The following KCMF1 variants were observed in gnomAD, a reference collection of about 807,000 sequenced individuals.
KCMF1 encodes the protein E3 ubiquitin-protein ligase KCMF1.
In KCMF1, 3 loss-of-function variants were observed where a neutral mutation model predicts 41.1. The observed-to-expected ratio is 0.07, with a 90% confidence interval of 0.03 to 0.19. KCMF1 has a LOEUF of 0.19. KCMF1 is among the 10% of genes least tolerant of loss of function. KCMF1 has a pLI of 1.00. For synonymous variants in KCMF1, 142 were observed against 164.5 expected (o/e 0.86, Z 1.04); for missense variants, 286 against 488.9 (o/e 0.58, Z 3.91).
intron 2 of KCMF1, among the ~76,000 whole-genome samples, chr2:85,032,724 C>A (rs1675305864): frequency 6.6e-6 from 1 of 152,094 alleles, no homozygotes; most frequent in Admixed American, 6.6e-5. Context: ...GTTGGCCAGG[C>A]TGGTCTTGAA....
At chr2:85,012,541 A>G (rs143251780) in intron 1 of KCMF1, among the ~76,000 whole-genome samples, 1 of 152,166 alleles carries the variant, frequency 6.6e-6, no homozygotes, top group Non-Finnish European at 1.5e-5. Context: ...CAGTGATACA[A>G]AGACATCCTT....
intron 2 of KCMF1, among the ~76,000 whole-genome samples, chr2:85,031,121 G>T (rs554350546): frequency 5.5e-4 from 84 of 152,274 alleles, no homozygotes; most frequent in African/African-American, 1.9e-3. Flanking sequence ...TGGGTATTCT[G>T]TGTCCGTTTC....
intron 1 of KCMF1, among the ~76,000 whole-genome samples, chr2:85,004,618 G>A (rs1163733695): frequency 6.6e-6 from 1 of 152,158 alleles, no homozygotes; most frequent in African/African-American, 2.4e-5. Context: ...CTTGCAGAGT[G>A]TGAGAACAAC....
intron 1 of KCMF1, among the ~76,000 whole-genome samples, chr2:84,994,769 T>C (rs917786836): frequency 4.6e-5 from 7 of 152,204 alleles, no homozygotes; most frequent in Non-Finnish European, 8.8e-5. Flanking sequence ...AGTATGTCTT[T>C]TTAGTTTGTT....
intron 1 of KCMF1, among the ~76,000 whole-genome samples, chr2:85,013,476 T>A (rs1333355367): frequency 6.6e-6 from 1 of 152,144 alleles, no homozygotes; most frequent in Admixed American, 6.5e-5. Flanking sequence ...CCAGTTTTCC[T>A]TTCCCTCAAA....
chr2:85,042,352 A>G (rs952159077), intron 3 of KCMF1, among the ~76,000 whole-genome samples: 3 of 152,136 alleles, frequency 2.0e-5, no homozygotes, highest in African/African-American at 4.8e-5. Context: ...GAATCAGAGC[A>G]GTTTGTTTTC....
rs938689183 is a variant in KCMF1, at chr2:85,054,348, G to A, written c.*939G>A. The A allele has an allele frequency of 6.6e-6, 1 of 152,142 alleles. No individual in the cohort carries two copies. The highest frequency in any genetic ancestry group is 1.9e-4 in the East Asian group (1 of 5,186). The allele number at this position is 152,142 out of a possible 1,614,324, so 9.4% of individuals were successfully genotyped here. On this transcript the variant is annotated 3_prime_UTR_variant, in exon 7 of 7. Transcript: ENST00000409785. Reference sequence around the variant, plus strand: ...CTCAATCATATTTTGCATTATTTATGTATTTGCTTTGTAGTTTGCTGAGAC... The same window carrying A: ...CTCAATCATATTTTGCATTATTTATATATTTGCTTTGTAGTTTGCTGAGAC...
At chr2:85,001,308 C>A (rs1674321610) in intron 1 of KCMF1, among the ~76,000 whole-genome samples, 1 of 151,734 alleles carries the variant, frequency 6.6e-6, no homozygotes, top group African/African-American at 2.4e-5. Context: ...CAGGCGTATA[C>A]CACCATGCCC....
chr2:85,042,618 C>G (rs1210855295), intron 3 of KCMF1, among the ~76,000 whole-genome samples: 2 of 152,174 alleles, frequency 1.3e-5, no homozygotes, highest in African/African-American at 4.8e-5. Flanking sequence ...TTTGGTCATG[C>G]CCCTTGCTTC....
intron 1 of KCMF1, among the ~76,000 whole-genome samples, chr2:85,023,112 C>T (rs916425139): frequency 4.0e-5 from 6 of 151,518 alleles, no homozygotes; most frequent in Non-Finnish European, 8.8e-5. Flanking sequence ...TGGTCTCGAT[C>T]TCCTGACCTC....
intron 1 of KCMF1, among the ~76,000 whole-genome samples, chr2:84,978,555 GT>G (rs976295403): frequency 2.7e-5 from 4 of 148,260 alleles, no homozygotes; most frequent in African/African-American, 7.5e-5. Flanking sequence ...ATGTATTTGG[GT>G]TTTTTTTTGA....
At chr2:85,049,747 A>AAG in intron 6 of KCMF1, 99 bp downstream of exon 6, 14 of 1,027,372 alleles carry the variant, frequency 1.4e-5, no homozygotes, top group Non-Finnish European at 1.9e-5. Flanking sequence ...TATTTCTTTA[A>AAG]AATTTTGTGT....
At chr2:85,034,910 C>T (rs1238431692) in intron 2 of KCMF1, 106 bp from the exon 3 acceptor site, 5 of 968,588 alleles carry the variant, frequency 5.2e-6, no homozygotes, top group Non-Finnish European at 7.4e-6. Flanking sequence ...GCATGAACCA[C>T]TGCTCCTGGC....
At chr2:84,992,301 G>GC (rs1674058664) in intron 1 of KCMF1, among the ~76,000 whole-genome samples, 2 of 152,148 alleles carry the variant, frequency 1.3e-5, no homozygotes, top group Non-Finnish European at 2.9e-5. Context: ...TGTCGCCCAG[G>GC]CTGGAGTACA....
chr2:85,001,806 A>G (rs1674336185), intron 1 of KCMF1, among the ~76,000 whole-genome samples: 1 of 152,232 alleles, frequency 6.6e-6, no homozygotes, highest in Admixed American at 6.5e-5. Context: ...TCTGAGATCC[A>G]TTGTTAAACA....
chr2:84,986,179 AT>A (rs1673895631), intron 1 of KCMF1, among the ~76,000 whole-genome samples: 1 of 152,226 alleles, frequency 6.6e-6, no homozygotes, highest in Non-Finnish European at 1.5e-5. Context: ...ACTATGAGGC[AT>A]TTAGAAAACT....
chr2:85,003,593 T>C (rs1674388448), intron 1 of KCMF1, among the ~76,000 whole-genome samples: 1 of 152,096 alleles, frequency 6.6e-6, no homozygotes, highest in South Asian at 2.1e-4. Flanking sequence ...TTTGCTGTCA[T>C]TTTATTTTTT....
intron 1 of KCMF1, among the ~76,000 whole-genome samples, chr2:84,992,623 G>GT (rs943140587): frequency 1.0e-4 from 15 of 149,704 alleles, no homozygotes; most frequent in Middle Eastern, 3.5e-3. Context: ...TTTATATGTG[G>GT]TTTTTTTTTG....
At chr2:85,014,708 C>CGTGT (rs1179339202) in intron 1 of KCMF1, among the ~76,000 whole-genome samples, 15 of 129,124 alleles carry the variant, frequency 1.2e-4, no homozygotes, top group African/African-American at 3.0e-4. Flanking sequence ...CTGGCGCGCG[C>CGTGT]GTGCGTGCGT....
Sources: gnomAD v4.1 joint callset for allele counts (sites outside exome capture counted in the v4.1 genomes callset) on GRCh38, gnomAD v4.1.1 for gene constraint, MANE v1.5 for transcripts, NCBI Gene and HGNC (gene_info 2026-07-23, HGNC 2026-07-21) for gene names.